Variants in FER observed in about 807,000 individuals in gnomAD.
FER encodes the protein tyrosine-protein kinase Fer.
FER carries 63 observed loss-of-function variants against 111.0 expected under a neutral mutation model. The ratio of observed to expected loss-of-function variants is 0.57; its 90% confidence interval spans 0.46 to 0.70. FER has a LOEUF of 0.70. Among genes scored for constraint, FER ranks in the 30% least tolerant of loss-of-function variants. FER has a pLI of 0.00. For missense variants in FER, 914 were observed against 954.0 expected, an observed-to-expected ratio of 0.96 and a Z score of 0.55; for synonymous variants, 327 against 313.9, an observed-to-expected ratio of 1.04 and a Z score of -0.44.
intron 3 of FER, among the ~76,000 whole-genome samples, chr5:108,821,216 A>G (rs986107417): frequency 3.9e-5 from 6 of 152,226 alleles, no homozygotes; most frequent in Non-Finnish European, 5.9e-5. Flanking sequence ...TACTTAACTC[A>G]GATGATTCAC....
chr5:108,949,135 G>A (rs1396524280), intron 11 of FER, among the ~76,000 whole-genome samples: 2 of 152,066 alleles, frequency 1.3e-5, no homozygotes, highest in African/African-American at 4.8e-5. Context: ...ATTCAGTTAT[G>A]TTAAGTTGTA....
At chr5:109,119,849 G>T (rs778013285) in intron 17 of FER, among the ~76,000 whole-genome samples, 2 of 152,006 alleles carry the variant, frequency 1.3e-5, no homozygotes, top group Non-Finnish European at 2.9e-5. Flanking sequence ...TTTTAGCTTT[G>T]ATTTGCATTT....
chr5:109,186,385 G>A, intron 19 of FER, 63 bp downstream of exon 19: 1 of 1,612,330 alleles, frequency 6.2e-7, no homozygotes, highest in South Asian at 1.1e-5. Flanking sequence ...AGTGCTTATA[G>A]TGTGTCTGCT....
intron 16 of FER, among the ~76,000 whole-genome samples, chr5:109,054,436 G>A (rs1581821610): frequency 6.6e-6 from 1 of 152,146 alleles, no homozygotes; most frequent in East Asian, 1.9e-4. Flanking sequence ...CTGGTCAAGT[G>A]TCCAAATCGT....
chr5:109,018,471 T>G (rs1480323366), intron 13 of FER, among the ~76,000 whole-genome samples: 1 of 151,854 alleles, frequency 6.6e-6, no homozygotes, highest in African/African-American at 2.4e-5. Flanking sequence ...TCATTTTAAT[T>G]TACCTTTTCA....
intron 10 of FER, among the ~76,000 whole-genome samples, chr5:108,903,503 A>G (rs1180579304): frequency 6.6e-6 from 1 of 152,182 alleles, no homozygotes; most frequent in Non-Finnish European, 1.5e-5. Context: ...TGTCTCTACT[A>G]AAAATACAAA....
chr5:108,782,080 ACAGTT>A (rs1290873741), intron 2 of FER, among the ~76,000 whole-genome samples: 1 of 152,130 alleles, frequency 6.6e-6, no homozygotes, highest in African/African-American at 2.4e-5. Context: ...TTTGTCAATT[ACAGTT>A]CAGTTTTTCC....
chr5:108,949,193 TA>T (rs1757398765), intron 11 of FER, among the ~76,000 whole-genome samples: 1 of 152,082 alleles, frequency 6.6e-6, no homozygotes, highest in South Asian at 2.1e-4. Flanking sequence ...ACCAGTGGCA[TA>T]GGGGAATGTA....
intron 10 of FER, among the ~76,000 whole-genome samples, chr5:108,924,445 C>T (rs74437119): frequency 1.3e-5 from 2 of 151,436 alleles, no homozygotes; most frequent in African/African-American, 2.4e-5. Context: ...AAGGATTTTC[C>T]GTTTGTTGCT....
chr5:109,140,959 T>A (rs984649400), intron 17 of FER, among the ~76,000 whole-genome samples: 2 of 152,172 alleles, frequency 1.3e-5, no homozygotes, highest in African/African-American at 4.8e-5. Flanking sequence ...TGGACCCATA[T>A]TCCACAGTAG....
At chr5:109,103,548 T>C (rs1293564087) in intron 17 of FER, among the ~76,000 whole-genome samples, 3 of 152,176 alleles carry the variant, frequency 2.0e-5, no homozygotes, top group South Asian at 2.1e-4. Flanking sequence ...GTTCTCTTGC[T>C]ACAAGTTTCT....
chr5:109,126,966 G>A (rs1751805260), intron 17 of FER, among the ~76,000 whole-genome samples: 1 of 152,112 alleles, frequency 6.6e-6, no homozygotes. Flanking sequence ...TGTTACAAAG[G>A]TTATTCAGGA....
intron 10 of FER, among the ~76,000 whole-genome samples, chr5:108,929,787 G>GTT (rs1754306984): frequency 6.6e-6 from 1 of 152,080 alleles, no homozygotes; most frequent in Non-Finnish European, 1.5e-5. Context: ...GGGGAAAAAC[G>GTT]TACAAAATAC....
chr5:109,116,426 CA>C (rs199831249), intron 17 of FER, among the ~76,000 whole-genome samples: 49,727 of 126,766 alleles, frequency 0.39, 8,260 homozygotes, highest in Admixed American at 0.43. Context: ...TTCCCCCCGC[CA>C]AAAAAAAAAA....
chr5:108,922,646 A>G (rs1753175599), intron 10 of FER, among the ~76,000 whole-genome samples: 1 of 152,184 alleles, frequency 6.6e-6, no homozygotes, highest in African/African-American at 2.4e-5. Context: ...GAAACCAATC[A>G]GGGAATAAAA....
intron 17 of FER, among the ~76,000 whole-genome samples, chr5:109,141,900 G>A (rs1026904461): frequency 4.6e-5 from 7 of 152,008 alleles, no homozygotes; most frequent in Admixed American, 4.6e-4. Context: ...CAGTTTGCCT[G>A]GTTTATTGTG....
intron 13 of FER, among the ~76,000 whole-genome samples, chr5:108,973,307 G>T (rs1760917825): frequency 6.6e-6 from 1 of 152,022 alleles, no homozygotes; most frequent in Admixed American, 6.6e-5. Context: ...GCCACAAAAG[G>T]CTTGTCCCAC....
Position 108,883,284 on chromosome 5 carries a change from A to C in FER, c.924-112A>C, listed in dbSNP as rs1039543322. On this transcript the variant is annotated intron_variant, in intron 8 of 19. Coordinates refer to ENST00000281092, the MANE Select transcript of FER (RefSeq NM_005246.4). ...ATTTTATTTTAGTTTGAATCAGATTATATGTGGCTACTGTTTTGGACATTG... is the reference window on the plus strand; with the variant it reads ...ATTTTATTTTAGTTTGAATCAGATTCTATGTGGCTACTGTTTTGGACATTG... 1.0e-5 allele frequency: 10 copies of C among 988,736 alleles called. No individual in the cohort carries two copies. The African/African-American group carries it at 1.2e-4, about 12-fold the overall frequency. 61.2% of individuals were successfully genotyped at this position (988,736 alleles called of 1,614,324 possible).
chr5:108,872,295 A>G, intron 8 of FER, 83 bp downstream of exon 8: 9 of 1,320,814 alleles, frequency 6.8e-6, no homozygotes, highest in South Asian at 4.7e-5. Flanking sequence ...AATATCAATT[A>G]TTTTTACAAG....
Sources: gnomAD v4.1 joint callset for allele counts (sites outside exome capture counted in the v4.1 genomes callset) on GRCh38, gnomAD v4.1.1 for gene constraint, MANE v1.5 for transcripts, NCBI Gene and HGNC (gene_info 2026-07-23, HGNC 2026-07-21) for gene names.